The following ABTB3 variants were observed in gnomAD, a reference collection of about 807,000 sequenced individuals.
The protein encoded by ABTB3 is ankyrin repeat- and BTB/POZ domain-containing protein 3.
At chr12:107,320,562 A>T in the ABTB3 span, 1 of 455,970 alleles carries the variant, frequency 2.2e-6, no homozygotes, top group Non-Finnish European at 4.4e-6. Context: ...CACGCAGTGC[A>T]CGGGGGAAGG....
the ABTB3 span, among the ~76,000 whole-genome samples, chr12:107,612,527 C>T: frequency 3.7e-4 from 57 of 152,254 alleles, 1 homozygote; most frequent in South Asian, 0.011. Flanking sequence ...GACAGACAAA[C>T]GAACGAAAAT....
At chr12:107,618,288 A>G in the ABTB3 span, 1 of 1,613,980 alleles carries the variant, frequency 6.2e-7, no homozygotes, top group Non-Finnish European at 8.5e-7. Context: ...CAGCCGCAAC[A>G]GCAAGGCCAA....
chr12:107,648,103 G>A, the ABTB3 span, among the ~76,000 whole-genome samples: 54 of 152,188 alleles, frequency 3.5e-4, no homozygotes, highest in African/African-American at 7.2e-4. Context: ...AATAGGGGCC[G>A]GGCACAGTGG....
chr12:107,630,355 C>T, the ABTB3 span, among the ~76,000 whole-genome samples: 16 of 152,286 alleles, frequency 1.1e-4, no homozygotes, highest in African/African-American at 3.4e-4. Context: ...AAACCTCTGG[C>T]GAATGAATGG....
At chr12:107,403,764 G>A in the ABTB3 span, among the ~76,000 whole-genome samples, 1 of 152,176 alleles carries the variant, frequency 6.6e-6, no homozygotes, top group African/African-American at 2.4e-5. Flanking sequence ...TTCAGACAAT[G>A]AAGTTTGGAG....
chr12:107,416,885 G>A, the ABTB3 span, among the ~76,000 whole-genome samples: 8 of 152,144 alleles, frequency 5.3e-5, no homozygotes, highest in South Asian at 2.1e-4. Context: ...CTCCTACTTC[G>A]GCCTCCCAAA....
chr12:107,415,045 C>G, the ABTB3 span, among the ~76,000 whole-genome samples: 1 of 152,110 alleles, frequency 6.6e-6, no homozygotes, highest in Non-Finnish European at 1.5e-5. Context: ...GCAGACTACA[C>G]TCCCACCTCA....
the ABTB3 span, among the ~76,000 whole-genome samples, chr12:107,391,938 G>C: frequency 6.6e-6 from 1 of 152,178 alleles, no homozygotes; most frequent in African/African-American, 2.4e-5. Context: ...ACCAACAAAG[G>C]GTGCTCAGTT....
chr12:107,397,579 G>T, the ABTB3 span, among the ~76,000 whole-genome samples: 1 of 152,070 alleles, frequency 6.6e-6, no homozygotes, highest in African/African-American at 2.4e-5. Flanking sequence ...TTATCATGGG[G>T]TATATTTCTT....
At chr12:107,576,761 C>G in the ABTB3 span, among the ~76,000 whole-genome samples, 1 of 152,148 alleles carries the variant, frequency 6.6e-6, no homozygotes, top group Non-Finnish European at 1.5e-5. Flanking sequence ...ATACCTACTC[C>G]GCACTCTTTA....
chr12:107,355,556 C>T, the ABTB3 span, among the ~76,000 whole-genome samples: 1 of 152,188 alleles, frequency 6.6e-6, no homozygotes, highest in Non-Finnish European at 1.5e-5. Flanking sequence ...TCATCCCCCA[C>T]CCTGCCACCC....
chr12:107,464,949 TACACACACACACAC>T, the ABTB3 span, among the ~76,000 whole-genome samples: 1 of 146,542 alleles, frequency 6.8e-6, no homozygotes, highest in African/African-American at 2.5e-5. Flanking sequence ...CTCCCTACCT[TACACACACACACAC>T]ACACACACAC....
At chr12:107,626,570 G>A in the ABTB3 span, among the ~76,000 whole-genome samples, 5 of 151,584 alleles carry the variant, frequency 3.3e-5, no homozygotes, top group Non-Finnish European at 7.4e-5. Context: ...GGATAGTCTC[G>A]ATCTCCTGAC....
chr12:107,499,139 C>T, the ABTB3 span, among the ~76,000 whole-genome samples: 3 of 152,240 alleles, frequency 2.0e-5, no homozygotes, highest in Admixed American at 1.3e-4. Context: ...GTGGCTGACT[C>T]GGGGGAGCTG....
chr12:107,569,678 A>G, the ABTB3 span, among the ~76,000 whole-genome samples: 1 of 152,250 alleles, frequency 6.6e-6, no homozygotes, highest in Non-Finnish European at 1.5e-5. Context: ...AAACAGAGAT[A>G]TAACTTAAGT....
the ABTB3 span, among the ~76,000 whole-genome samples, chr12:107,501,477 A>T: frequency 6.6e-6 from 1 of 152,004 alleles, no homozygotes; most frequent in Non-Finnish European, 1.5e-5. Context: ...AGGTGAGTGG[A>T]TTGCTTGAGG....
chr12:107,575,478 G>C, the ABTB3 span, among the ~76,000 whole-genome samples: 1 of 151,960 alleles, frequency 6.6e-6, no homozygotes, highest in Non-Finnish European at 1.5e-5. Flanking sequence ...TACCACACAC[G>C]GACGCTTAAA....
chr12:107,364,547 T>C, the ABTB3 span, among the ~76,000 whole-genome samples: 1 of 152,112 alleles, frequency 6.6e-6, no homozygotes, highest in Non-Finnish European at 1.5e-5. Context: ...CGCTTCAGCC[T>C]CCCAAATTGC....
chr12:107,572,587 G>T, the ABTB3 span, among the ~76,000 whole-genome samples: 2 of 152,136 alleles, frequency 1.3e-5, no homozygotes, highest in Admixed American at 6.5e-5. Flanking sequence ...TTACAGTTTT[G>T]CTCACATCCT....
Sources: allele counts gnomAD v4.1 joint callset (sites outside exome capture counted in the v4.1 genomes callset), GRCh38; gene constraint gnomAD v4.1.1; transcripts MANE v1.5; gene names NCBI Gene and HGNC (gene_info 2026-07-23, HGNC 2026-07-21).